Variants in LYPD6 observed in about 807,000 individuals in gnomAD.
LYPD6 encodes the protein ly6/PLAUR domain-containing protein 6.
In LYPD6, 15 loss-of-function variants were observed where a neutral mutation model predicts 22.7. That is an observed-to-expected ratio of 0.66 (90% CI 0.44 to 1.02). LYPD6 has a LOEUF of 1.02. Ranked by LOEUF, LYPD6 falls within the 50% of genes least tolerant of loss-of-function variation. LYPD6 has a pLI of 0.00. For synonymous variants in LYPD6, 72 were observed against 77.5 expected, an observed-to-expected ratio of 0.93 and a Z score of 0.37; for missense variants, 189 against 208.4, an observed-to-expected ratio of 0.91 and a Z score of 0.57.
intron 1 of LYPD6, among the ~76,000 whole-genome samples, chr2:149,369,804 AG>A (rs1427295635): frequency 6.6e-6 from 1 of 152,200 alleles, no homozygotes; most frequent in East Asian, 1.9e-4. Flanking sequence ...TGAGTAGCTA[AG>A]TTTGTGAAAA....
At chr2:149,451,836 T>C (rs138134132) in intron 3 of LYPD6, among the ~76,000 whole-genome samples, 145 of 152,300 alleles carry the variant, frequency 9.5e-4, no homozygotes, top group African/African-American at 3.4e-3. Context: ...AATTACAAAG[T>C]GAAAGATAGG....
intron 2 of LYPD6, among the ~76,000 whole-genome samples, chr2:149,447,680 G>A (rs540504234): frequency 2.0e-5 from 3 of 152,262 alleles, no homozygotes; most frequent in African/African-American, 7.2e-5. Context: ...GATTGAAATG[G>A]TCAAACATCA....
At chr2:149,352,074 A>G (rs940304697) in intron 1 of LYPD6, among the ~76,000 whole-genome samples, 1 of 152,082 alleles carries the variant, frequency 6.6e-6, no homozygotes, top group African/African-American at 2.4e-5. Flanking sequence ...CTCACTTGTA[A>G]AACTAAATGG....
At chr2:149,341,234 A>AGTCAGGTGTGTCCTTG (rs1681154979) in intron 1 of LYPD6, among the ~76,000 whole-genome samples, 1 of 152,150 alleles carries the variant, frequency 6.6e-6, no homozygotes, top group African/African-American at 2.4e-5. Flanking sequence ...CCTTTTTCTC[A>AGTCAGGTGTGTCCTTG]GTCAGGTGTG....
chr2:149,386,340 A>G (rs1018363224), intron 1 of LYPD6, among the ~76,000 whole-genome samples: 2 of 152,188 alleles, frequency 1.3e-5, no homozygotes, highest in African/African-American at 4.8e-5. Context: ...CATGCTTTAA[A>G]TTTTAATAAC....
At chr2:149,352,940 G>A (rs759884763) in intron 1 of LYPD6, among the ~76,000 whole-genome samples, 3 of 152,196 alleles carry the variant, frequency 2.0e-5, no homozygotes, top group African/African-American at 7.2e-5. Context: ...ACGCTTGCTG[G>A]TCCTGGCAGA....
At chr2:149,399,128 C>T (rs1226677340) in intron 1 of LYPD6, among the ~76,000 whole-genome samples, 1 of 151,774 alleles carries the variant, frequency 6.6e-6, no homozygotes, top group Non-Finnish European at 1.5e-5. Flanking sequence ...GGTGTTAGGC[C>T]AGGGTGGAAA....
intron 1 of LYPD6, among the ~76,000 whole-genome samples, chr2:149,423,583 G>A (rs1451072330): frequency 1.3e-5 from 2 of 152,106 alleles, no homozygotes; most frequent in Admixed American, 6.6e-5. Context: ...AGGAAAACGA[G>A]GCTGCCCTTG....
intron 3 of LYPD6, among the ~76,000 whole-genome samples, chr2:149,464,656 G>A (rs1277474236): frequency 1.3e-5 from 2 of 152,186 alleles, no homozygotes; most frequent in African/African-American, 4.8e-5. Context: ...TAATTCAGCA[G>A]TCAGGATTCC....
intron 1 of LYPD6, among the ~76,000 whole-genome samples, chr2:149,377,629 A>C (rs1170999888): frequency 4.6e-5 from 7 of 152,158 alleles, no homozygotes; most frequent in Non-Finnish European, 1.0e-4. Context: ...CAAATACAAA[A>C]GTTAGCCCGG....
chr2:149,374,970 A>G (rs1681885975), intron 1 of LYPD6, among the ~76,000 whole-genome samples: 1 of 152,322 alleles, frequency 6.6e-6, no homozygotes, highest in Non-Finnish European at 1.5e-5. Context: ...TGGTTCTGGC[A>G]GGAAGTCAGG....
the LYPD6 span, among the ~76,000 whole-genome samples, chr2:149,482,961 C>T: frequency 6.6e-6 from 1 of 152,178 alleles, no homozygotes; most frequent in East Asian, 1.9e-4. Context: ...CCAGAGGAAG[C>T]CATGGCCAAG....
chr2:149,406,808 A>G (rs1364554246), intron 1 of LYPD6, among the ~76,000 whole-genome samples: 5 of 152,154 alleles, frequency 3.3e-5, no homozygotes, highest in African/African-American at 7.2e-5. Context: ...TCGTTAGTTG[A>G]TGCAGTTTCT....
intron 1 of LYPD6, among the ~76,000 whole-genome samples, chr2:149,366,936 C>T (rs561928595): frequency 5.3e-5 from 8 of 152,090 alleles, no homozygotes; most frequent in Non-Finnish European, 7.4e-5. Context: ...TTTTAGAATA[C>T]GAAAATGATT....
At chr2:149,342,074 G>T (rs11888716) in intron 1 of LYPD6, among the ~76,000 whole-genome samples, 2 of 151,992 alleles carry the variant, frequency 1.3e-5, no homozygotes, top group Admixed American at 6.6e-5. Context: ...CTCTGCTGCT[G>T]TGTCCTTATA....
intron 1 of LYPD6, among the ~76,000 whole-genome samples, chr2:149,436,861 A>G (rs1450442829): frequency 6.6e-6 from 1 of 152,222 alleles, no homozygotes; most frequent in Non-Finnish European, 1.5e-5. Flanking sequence ...GATTACAGGC[A>G]TGAGCCACTA....
At chr2:149,458,425 G>C (rs559639933) in intron 3 of LYPD6, among the ~76,000 whole-genome samples, 1 of 152,078 alleles carries the variant, frequency 6.6e-6, no homozygotes, top group Non-Finnish European at 1.5e-5. Flanking sequence ...CCCATCCCAT[G>C]GCATTAGTAG....
intron 3 of LYPD6, among the ~76,000 whole-genome samples, chr2:149,449,493 T>C (rs1057234249): frequency 6.6e-6 from 1 of 152,232 alleles, no homozygotes; most frequent in Admixed American, 6.5e-5. Flanking sequence ...TTATGTAATG[T>C]ATGAATTGAT....
chr2:149,479,766 T>C, the LYPD6 span, among the ~76,000 whole-genome samples: 37 of 152,262 alleles, frequency 2.4e-4, no homozygotes, highest in African/African-American at 8.7e-4. Context: ...ATCTCACCCA[T>C]CCCTTCTTGC....
Sources: gnomAD v4.1 joint callset for allele counts (sites outside exome capture counted in the v4.1 genomes callset) on GRCh38, gnomAD v4.1.1 for gene constraint, MANE v1.5 for transcripts, NCBI Gene and HGNC (gene_info 2026-07-23, HGNC 2026-07-21) for gene names.